SLC12A5: variants seen among roughly 807,000 people sequenced by gnomAD.
The protein encoded by SLC12A5 is K-Cl cotransporter 2.
SLC12A5 carries 18 observed loss-of-function variants against 124.0 expected under a neutral mutation model. That is an observed-to-expected ratio of 0.15 (90% CI 0.10 to 0.22). SLC12A5 has a LOEUF of 0.22. Among genes scored for constraint, SLC12A5 ranks in the 10% least tolerant of loss-of-function variants. SLC12A5 has a pLI of 1.00. For missense variants in SLC12A5, 867 were observed against 1,478.7 expected (o/e 0.59, Z 6.78); for synonymous variants, 589 against 568.0 (o/e 1.04, Z -0.53).
At position 46,048,213 on chromosome 20, in the gene SLC12A5, G is replaced by C. The variant is rs182787342; in HGVS notation, c.2012+128G>C. The C allele has an allele frequency of 3.2e-5, 23 of 721,454 alleles. No individual in the cohort carries two copies. In the East Asian group the frequency reaches 5.9e-4, roughly 19 times the overall value. The allele number at this position is 721,454 out of a possible 1,614,324, so 44.7% of individuals were successfully genotyped here. Reference sequence around the variant, plus strand: ...TGTTTTGCTGAGTCGTGCCCTAAAAGCCCAGCCTTGTCTGATTCCTTCCCA... The same window carrying C: ...TGTTTTGCTGAGTCGTGCCCTAAAACCCCAGCCTTGTCTGATTCCTTCCCA... On this transcript the variant is annotated intron_variant, in intron 16 of 25. Coordinates refer to ENST00000243964, the MANE Select transcript of SLC12A5 (RefSeq NM_020708.5).
intron 1 of SLC12A5, chr20:46,021,921 G>T: frequency 6.7e-7 from 1 of 1,483,472 alleles, no homozygotes. Context: ...TGCCAGGGCC[G>T]GGCGGGACGA....
intron 1 of SLC12A5, among the ~76,000 whole-genome samples, chr20:46,029,915 TGC>T (rs1428882506): frequency 0.047 from 2,000 of 42,852 alleles, 24 homozygotes; most frequent in African/African-American, 0.083. Flanking sequence ...TGTGTGTGTG[TGC>T]GTGTGTGTGT....
At chr20:46,054,836 C>T (rs2084675737) in intron 20 of SLC12A5, 80 bp from the exon 21 acceptor site, 2 of 1,009,854 alleles carry the variant, frequency 2.0e-6, no homozygotes, top group African/African-American at 1.6e-5. Context: ...TTCCCTTGGC[C>T]TTTCACCTGG....
At chr20:46,033,712 A>G (rs760910457) in intron 1 of SLC12A5, among the ~76,000 whole-genome samples, 1 of 152,092 alleles carries the variant, frequency 6.6e-6, no homozygotes. Context: ...AAATAGCACC[A>G]TCATCCAACC....
At position 46,053,569 on chromosome 20, in the gene SLC12A5, C is replaced by CG. The variant is rs2045091695; in HGVS notation, c.2548-8dup. On this transcript the variant is annotated splice_polypyrimidine_tract_variant and intron_variant, in intron 19 of 25. Coordinates refer to ENST00000243964, the MANE Select transcript of SLC12A5 (RefSeq NM_020708.5). The surrounding 1 kb of genome is among the most constrained non-coding windows in gnomAD (Gnocchi z 4.7). ...CTGGACCTTTCTGAATCCCCTTCAT[C>CG]GCCTGCAGGTCTGGCGGAAGTGCAA... 2.5e-6 allele frequency: 4 copies of CG among 1,613,320 alleles called. No individual in the cohort carries two copies. In the African/African-American group the frequency reaches 5.3e-5, roughly 22 times the overall value.
At chr20:46,054,762 T>G (rs2084675181) in intron 20 of SLC12A5, among the ~76,000 whole-genome samples, 154 bp from the exon 21 acceptor site, 1 of 152,054 alleles carries the variant, frequency 6.6e-6, no homozygotes, top group Non-Finnish European at 1.5e-5. Context: ...CCTACAACCC[T>G]TGACAAAATT....
At position 46,053,508 on chromosome 20, in the gene SLC12A5, C is replaced by T. The variant is rs1313407156; in HGVS notation, c.2548-70C>T. On this transcript the variant is annotated intron_variant, in intron 19 of 25. Coordinates refer to ENST00000243964, the MANE Select transcript of SLC12A5 (RefSeq NM_020708.5). The surrounding 1 kb of genome is among the most constrained non-coding windows in gnomAD (Gnocchi z 4.7). Reference sequence around the variant, plus strand: ...TGGGAAGAGGGGAAGGGTGAGCGGACAGGGCCTGGCCCTGGATCTCCTCAT... The same window carrying T: ...TGGGAAGAGGGGAAGGGTGAGCGGATAGGGCCTGGCCCTGGATCTCCTCAT... 1 of 1,593,142 alleles carries T rather than the reference C, an allele frequency of 6.3e-7. No individual in the cohort carries two copies. Among genetic ancestry groups the T allele is most frequent in the East Asian group, 2.2e-5 (1 of 44,578 alleles).
intron 1 of SLC12A5, among the ~76,000 whole-genome samples, chr20:46,033,589 T>A (rs180924514): frequency 6.6e-6 from 1 of 152,326 alleles, no homozygotes; most frequent in East Asian, 1.9e-4. Context: ...GATTCGTATA[T>A]CCAGGTGGCT....
Position 46,045,910 on chromosome 20 carries a change from G to A in SLC12A5, c.1602G>A (p.Pro534=), listed in dbSNP as rs761507003. Residue 534 remains proline, a synonymous_variant, in exon 13 of 26, where the codon CCG becomes CCA. Transcript: ENST00000243964. This position sits in a 1 kb window ranked among gnomAD's most constrained non-coding sequence, Gnocchi z 4.9. ...VFGHGKANGE[P]TWALLLTACI... ...GCCATGGCAAGGCCAATGGAGAGCC[G>A]ACCTGGGCCCTGCTCCTGACTGCCT... 10 of 1,614,164 alleles carry A rather than the reference G, an allele frequency of 6.2e-6. No homozygotes were observed. The highest frequency in any genetic ancestry group is 2.2e-5 in the East Asian group (1 of 44,884).
Position 46,035,794 on chromosome 20 carries a change from C to A in SLC12A5, c.297C>A (p.Thr99=), listed in dbSNP as rs776585463. The change falls in exon 4 of 26, where the codon ACC becomes ACA. Residue 99 remains threonine, a synonymous_variant. Coordinates refer to ENST00000243964, the MANE Select transcript of SLC12A5 (RefSeq NM_020708.5). ...CCTGGCAGGCCCCACGCATGGGCAC[C>A]TTCATGGGCGTGTACCTGCCGTGCC... The part of the protein sequence containing the change: ...KKPVQAPRMG[T]FMGVYLPCLQ... 3.2e-5 allele frequency: 52 copies of A among 1,613,584 alleles called. No individual in the cohort carries two copies. Among genetic ancestry groups the A allele is most frequent in the Non-Finnish European group, 4.2e-5 (49 of 1,179,740 alleles).
In SLC12A5 at chr20:46,053,190, A is replaced by C. The variant is rs940129464; in HGVS notation, c.2547+64A>C. On this transcript the variant is annotated intron_variant, in intron 19 of 25. Transcript: ENST00000243964. The surrounding 1 kb of genome is among the most constrained non-coding windows in gnomAD (Gnocchi z 4.7). ...TGTATGCATGTATGCATTTGTGTGC[A>C]TATGTGCACAACTGCAGGTCAGACT... 2 of 1,535,894 alleles carry C rather than the reference A, an allele frequency of 1.3e-6. No individual in the cohort carries two copies. Among genetic ancestry groups the C allele is most frequent in the African/African-American group, 2.7e-5 (2 of 73,428 alleles).
At chr20:46,035,237 C>G in intron 2 of SLC12A5, 167 bp from the exon 3 acceptor site, 1 of 1,022,784 alleles carries the variant, frequency 9.8e-7, no homozygotes, top group African/African-American at 1.6e-5. Context: ...TCTCCTCATC[C>G]TACCATTCTT....
intron 6 of SLC12A5, among the ~76,000 whole-genome samples, chr20:46,039,472 C>G (rs980701612): frequency 6.6e-6 from 1 of 152,158 alleles, no homozygotes; most frequent in Non-Finnish European, 1.5e-5. Flanking sequence ...TAAAGTCAGT[C>G]CATATAAATC....
intron 11 of SLC12A5, chr20:46,044,726 G>A (rs1014537730): frequency 5.6e-6 from 3 of 533,142 alleles, no homozygotes; most frequent in Admixed American, 3.5e-5. Context: ...AGTGGGGGAC[G>A]TGGGGCTGGG....
rs757191446 is a variant in SLC12A5 at position 46,040,580 on chromosome 20, G to T, written c.820G>T (p.Val274Phe). Residue 274 changes from valine to phenylalanine, a missense_variant, in exon 7 of 26, where the codon GTC becomes TTC. Val to Phe is a conservative substitution (Grantham distance 50). Around this residue, in one of 9 missense-constraint regions of SLC12A5, gnomAD observed 127 missense variants for 164.1 expected, o/e 0.77. Transcript: ENST00000243964. ...ILSILAIYAG[V>F]IKSAFDPPNF... ...CTCCATCCTGGCCATCTATGCTGGG[G>T]TCATCAAGTCTGCCTTCGACCCACC... 3 of 1,614,158 alleles carry T rather than the reference G, an allele frequency of 1.9e-6. No individual in the cohort carries two copies. Among genetic ancestry groups the T allele is most frequent in the Non-Finnish European group, 2.5e-6 (3 of 1,180,028 alleles).
chr20:46,033,148 C>T (rs992829696), intron 1 of SLC12A5, among the ~76,000 whole-genome samples: 1 of 152,170 alleles, frequency 6.6e-6, no homozygotes, highest in Non-Finnish European at 1.5e-5. Context: ...GGTTTTATAA[C>T]AGAGACAGGC....
At chr20:46,031,178 C>A (rs2084446486) in intron 1 of SLC12A5, among the ~76,000 whole-genome samples, 1 of 152,166 alleles carries the variant, frequency 6.6e-6, no homozygotes, top group Non-Finnish European at 1.5e-5. Context: ...TCCACAGGGG[C>A]TCAGGAGGCC....
At chr20:46,034,001 A>G (rs541260521) in intron 1 of SLC12A5, among the ~76,000 whole-genome samples, 11 of 152,166 alleles carry the variant, frequency 7.2e-5, no homozygotes, top group Admixed American at 3.9e-4. Context: ...CCTCTGGATG[A>G]GGTCCACATT....
chr20:46,037,662 C>T (rs914481784), intron 6 of SLC12A5, among the ~76,000 whole-genome samples: 4 of 152,256 alleles, frequency 2.6e-5, no homozygotes, highest in South Asian at 2.1e-4. Flanking sequence ...TGTATCCTTA[C>T]GAGGTTTAAG....
Sources: gnomAD v4.1 joint callset for allele counts (sites outside exome capture counted in the v4.1 genomes callset) on GRCh38, gnomAD v4.1.1 for gene constraint, gnomAD v4.1.1 regional missense constraint, Gnocchi (gnomAD v3.1) non-coding constraint, MANE v1.5 for transcripts, NCBI Gene and HGNC (gene_info 2026-07-23, HGNC 2026-07-21) for gene names.